The following PCMTD1 variants were observed in gnomAD, a reference collection of about 807,000 sequenced individuals.
PCMTD1 encodes protein-L-isoaspartate O-methyltransferase domain-containing protein 1.
Under a neutral mutation model 37.6 loss-of-function variants are expected in PCMTD1, and 12 were observed. That is an observed-to-expected ratio of 0.32 (90% CI 0.20 to 0.52). PCMTD1 has a LOEUF of 0.52. Ranked by LOEUF, PCMTD1 falls within the 20% of genes least tolerant of loss-of-function variation. The probability of loss-of-function intolerance (pLI) is 0.97; values close to 1 mark genes in which losing one functional copy is unlikely to be tolerated. For missense variants in PCMTD1, 235 were observed against 421.3 expected (o/e 0.56, Z 3.87); for synonymous variants, 117 against 135.8 (o/e 0.86, Z 0.96).
chr8:51,881,440 G>C (rs565017149), intron 1 of PCMTD1, among the ~76,000 whole-genome samples: 1 of 152,104 alleles, frequency 6.6e-6, no homozygotes, highest in Non-Finnish European at 1.5e-5. Context: ...CAGAAAAACA[G>C]GTCATAAGAC....
chr8:51,833,376 T>A (rs2038023073), intron 4 of PCMTD1, 142 bp downstream of exon 4: 1 of 554,358 alleles, frequency 1.8e-6, no homozygotes, highest in African/African-American at 2.0e-5. Context: ...TTCAAGTTTT[T>A]TCTAAACAAA....
At chr8:51,862,239 A>G (rs542910415) in intron 1 of PCMTD1, among the ~76,000 whole-genome samples, 200 of 152,286 alleles carry the variant, frequency 1.3e-3, no homozygotes, top group African/African-American at 4.4e-3. Flanking sequence ...CCCCACACTC[A>G]TGTTTATTAA....
At position 51,820,375 on chromosome 8, in the gene PCMTD1, G is replaced by A. The variant is rs750912368; in HGVS notation, c.1050C>T (p.Tyr350=). 3.1e-6 allele frequency: 5 copies of A among 1,589,140 alleles called. No homozygotes were observed. In the African/African-American group the frequency reaches 6.8e-5, roughly 22 times the overall value. ...GTTATTTGTCTCTAAAATATGTCAA[G>A]TAAGCTTTTAAAGATTCAGGGAGGG... ...KLPLPESLKA[Y]LTYFRDK The change falls in exon 6 of 6, where the codon TAC becomes TAT. Residue 350 remains tyrosine, a synonymous_variant. Coordinates refer to ENST00000522514, the MANE Select transcript of PCMTD1 (RefSeq NM_052937.4).
intron 2 of PCMTD1, among the ~76,000 whole-genome samples, chr8:51,847,017 T>C (rs1025863949): frequency 3.3e-5 from 5 of 152,168 alleles, no homozygotes; most frequent in Non-Finnish European, 5.9e-5. Flanking sequence ...TGTTTTTACA[T>C]TTTATAAATT....
At chr8:51,885,893 T>C (rs980299512) in intron 1 of PCMTD1, among the ~76,000 whole-genome samples, 1 of 152,220 alleles carries the variant, frequency 6.6e-6, no homozygotes, top group African/African-American at 2.4e-5. Context: ...AAGATAGCAA[T>C]TTTTTGTAAT....
intron 3 of PCMTD1, among the ~76,000 whole-genome samples, chr8:51,843,629 A>T (rs556388726): frequency 6.6e-6 from 1 of 152,272 alleles, no homozygotes; most frequent in South Asian, 2.1e-4. Flanking sequence ...AATTTTTAAA[A>T]ATTGAGATAC....
At chr8:51,850,860 A>G (rs924561241) in intron 2 of PCMTD1, among the ~76,000 whole-genome samples, 3 of 152,208 alleles carry the variant, frequency 2.0e-5, no homozygotes, top group Non-Finnish European at 4.4e-5. Context: ...GCAACTTTGT[A>G]AGTATTCAGG....
chr8:51,850,351 G>A (rs544561939), intron 2 of PCMTD1, among the ~76,000 whole-genome samples: 3 of 152,176 alleles, frequency 2.0e-5, no homozygotes, highest in Non-Finnish European at 2.9e-5. Context: ...TACATAAGGG[G>A]TTCTCAACCC....
intron 1 of PCMTD1, among the ~76,000 whole-genome samples, chr8:51,891,399 G>C (rs1014005054): frequency 7.9e-5 from 12 of 151,662 alleles, no homozygotes; most frequent in African/African-American, 2.9e-4. Flanking sequence ...AAAAATGAAA[G>C]AAAAAAACAA....
chr8:51,838,796 G>A (rs1005112659), intron 3 of PCMTD1, among the ~76,000 whole-genome samples: 11 of 151,856 alleles, frequency 7.2e-5, no homozygotes, highest in African/African-American at 1.9e-4. Flanking sequence ...TAAATTCAAC[G>A]AAAGTTCTCA....
chr8:51,821,892 C>T (rs1474389981), intron 5 of PCMTD1, among the ~76,000 whole-genome samples: 2 of 152,098 alleles, frequency 1.3e-5, no homozygotes, highest in Non-Finnish European at 2.9e-5. Flanking sequence ...TGTGCCACCA[C>T]ACCAGTGTAA....
intron 2 of PCMTD1, among the ~76,000 whole-genome samples, chr8:51,858,773 A>G (rs555536298): frequency 6.6e-6 from 1 of 152,218 alleles, no homozygotes; most frequent in East Asian, 1.9e-4. Flanking sequence ...TAAATCCTGG[A>G]ATAGTATCCA....
intron 1 of PCMTD1, among the ~76,000 whole-genome samples, chr8:51,892,475 A>T (rs1046452533): frequency 2.6e-5 from 4 of 152,170 alleles, no homozygotes; most frequent in African/African-American, 9.7e-5. Context: ...TCACTTACAC[A>T]CTAATCATCA....
At position 51,820,502 on chromosome 8, in the gene PCMTD1, A is replaced by AT. The variant is rs760237681; in HGVS notation, c.922dup (p.Met308AsnfsTer5). On this transcript the variant is annotated frameshift_variant, in exon 6 of 6. Coordinates refer to ENST00000522514, the MANE Select transcript of PCMTD1 (RefSeq NM_052937.4). LOFTEE classifies it high-confidence loss of function. ...CTCCTCTTCTTTGTTATCCTCTTCC[A>AT]TTTTTTCATCCTCTTCACTGTCTAG... is the stretch of plus-strand genomic sequence containing the variant. The AT allele has an allele frequency of 6.2e-7, 1 of 1,613,474 alleles. No individual in the cohort carries two copies. Among genetic ancestry groups the AT allele is most frequent in the Non-Finnish European group, 8.5e-7 (1 of 1,179,804 alleles).
At chr8:51,835,389 G>A (rs1032666813) in intron 3 of PCMTD1, among the ~76,000 whole-genome samples, 4 of 152,090 alleles carry the variant, frequency 2.6e-5, no homozygotes, top group African/African-American at 7.2e-5. Context: ...CTAGGTTAGA[G>A]AATCATATTT....
At chr8:51,826,455 G>T (rs1483922936) in intron 5 of PCMTD1, among the ~76,000 whole-genome samples, 1 of 152,064 alleles carries the variant, frequency 6.6e-6, no homozygotes, top group Admixed American at 6.6e-5. Flanking sequence ...AACCACCATG[G>T]CACATGTATA....
chr8:51,839,415 C>A (rs1187055990), intron 3 of PCMTD1: 3 of 980,062 alleles, frequency 3.1e-6, no homozygotes, highest in Non-Finnish European at 3.6e-6. Context: ...TGAAGACTTG[C>A]CCAAAATAAC....
chr8:51,828,905 A>G (rs2037960245), intron 5 of PCMTD1, among the ~76,000 whole-genome samples: 1 of 152,070 alleles, frequency 6.6e-6, no homozygotes, highest in African/African-American at 2.4e-5. Context: ...CAACACAGTA[A>G]CCTCATGTTT....
chr8:51,860,232 T>C (rs1360515619), intron 2 of PCMTD1, among the ~76,000 whole-genome samples: 1 of 152,222 alleles, frequency 6.6e-6, no homozygotes, highest in Non-Finnish European at 1.5e-5. Flanking sequence ...AATGAGTTAA[T>C]ACACACATAC....
Sources: gnomAD v4.1 joint callset for allele counts (sites outside exome capture counted in the v4.1 genomes callset) on GRCh38, gnomAD v4.1.1 for gene constraint, MANE v1.5 for transcripts, NCBI Gene and HGNC (gene_info 2026-07-23, HGNC 2026-07-21) for gene names.